DPP10: variants seen among roughly 807,000 people sequenced by gnomAD.
DPP10 encodes the protein dipeptidyl peptidase like 10.
DPP10 carries 33 observed loss-of-function variants against 120.9 expected under a neutral mutation model. That is an observed-to-expected ratio of 0.27 (90% CI 0.21 to 0.37). The LOEUF (loss-of-function observed/expected upper bound fraction) is 0.37. Ranked by LOEUF, DPP10 falls within the 10% of genes least tolerant of loss-of-function variation. The pLI, the probability that DPP10 is intolerant of heterozygous loss-of-function variation, is 1.00. For missense variants in DPP10, 816 were observed against 942.8 expected (o/e 0.87, Z 1.76); for synonymous variants, 337 against 326.1 (o/e 1.03, Z -0.36).
intron 1 of DPP10, among the ~76,000 whole-genome samples, chr2:114,504,967 G>T (rs1683508030): frequency 6.9e-6 from 1 of 145,376 alleles, no homozygotes. Context: ...CAGGAGAATC[G>T]CTTGAACCGG....
chr2:114,726,745 A>C (rs1702074691), intron 1 of DPP10, among the ~76,000 whole-genome samples: 1 of 152,220 alleles, frequency 6.6e-6, no homozygotes, highest in Admixed American at 6.5e-5. Flanking sequence ...AATGCCCTTT[A>C]AGCAGGCCAC....
intron 1 of DPP10, among the ~76,000 whole-genome samples, chr2:115,072,877 G>T (rs1707483753): frequency 6.6e-6 from 1 of 152,044 alleles, no homozygotes; most frequent in Non-Finnish European, 1.5e-5. Context: ...CCATCTCCTG[G>T]GTTCAAGCAA....
intron 5 of DPP10, among the ~76,000 whole-genome samples, chr2:115,646,920 C>G (rs1395263127): frequency 6.6e-6 from 1 of 152,098 alleles, no homozygotes; most frequent in African/African-American, 2.4e-5. Context: ...TTCTATTAAT[C>G]TCAGCAGATG....
chr2:115,115,131 G>A (rs986734119), intron 1 of DPP10, among the ~76,000 whole-genome samples: 5 of 151,908 alleles, frequency 3.3e-5, no homozygotes, highest in African/African-American at 1.2e-4. Context: ...GACCTACGGG[G>A]AGGTTTGCAG....
At chr2:114,630,794 G>A (rs976914287) in intron 1 of DPP10, among the ~76,000 whole-genome samples, 1 of 152,276 alleles carries the variant, frequency 6.6e-6, no homozygotes, top group South Asian at 2.1e-4. Flanking sequence ...AGATTTGTAA[G>A]GATACTGTGT....
At chr2:114,504,908 C>T (rs375095118) in intron 1 of DPP10, among the ~76,000 whole-genome samples, 17 of 151,536 alleles carry the variant, frequency 1.1e-4, no homozygotes, top group African/African-American at 2.7e-4. Context: ...AAAAATTAGC[C>T]GGGCATGGTG....
intron 1 of DPP10, among the ~76,000 whole-genome samples, chr2:115,302,131 G>A (rs369016506): frequency 7.9e-5 from 12 of 151,990 alleles, no homozygotes; most frequent in African/African-American, 2.9e-4. Flanking sequence ...GTGAGTGAAG[G>A]GGGAAGTGCC....
At chr2:115,612,583 C>A (rs1427742855) in intron 5 of DPP10, among the ~76,000 whole-genome samples, 1 of 152,064 alleles carries the variant, frequency 6.6e-6, no homozygotes, top group Middle Eastern at 3.2e-3. Context: ...CGTGTTCTGC[C>A]AAAATGTAAT....
At chr2:114,591,510 G>C (rs1468622488) in intron 1 of DPP10, among the ~76,000 whole-genome samples, 1 of 150,660 alleles carries the variant, frequency 6.6e-6, no homozygotes, top group African/African-American at 2.5e-5. Flanking sequence ...TTTCCACCCA[G>C]CCATCCAGAT....
At chr2:114,795,828 A>C (rs980313920) in intron 1 of DPP10, among the ~76,000 whole-genome samples, 8 of 152,196 alleles carry the variant, frequency 5.3e-5, no homozygotes, top group African/African-American at 1.9e-4. Flanking sequence ...AATATACACG[A>C]ATCTATTATA....
At chr2:115,482,259 G>A (rs2075481284) in intron 3 of DPP10, among the ~76,000 whole-genome samples, 1 of 151,272 alleles carries the variant, frequency 6.6e-6, no homozygotes, top group South Asian at 2.1e-4. Context: ...TCTATTTAAT[G>A]TATGTATACA....
At chr2:114,884,567 T>G (rs1426943133) in intron 1 of DPP10, among the ~76,000 whole-genome samples, 3 of 152,200 alleles carry the variant, frequency 2.0e-5, no homozygotes, top group Non-Finnish European at 4.4e-5. Context: ...TTATGTTTTT[T>G]TATTTCAATA....
At chr2:115,301,341 T>C (rs1298097928) in intron 1 of DPP10, among the ~76,000 whole-genome samples, 7 of 151,846 alleles carry the variant, frequency 4.6e-5, no homozygotes, top group Non-Finnish European at 1.0e-4. Context: ...CATTTTCGTC[T>C]GAGAGCTCCA....
intron 1 of DPP10, among the ~76,000 whole-genome samples, chr2:115,046,579 G>A (rs1219289429): frequency 6.6e-6 from 1 of 152,126 alleles, no homozygotes; most frequent in African/African-American, 2.4e-5. Flanking sequence ...TCCAACCACA[G>A]AATTCACCTT....
chr2:115,512,214 C>A (rs2077270429), intron 4 of DPP10, among the ~76,000 whole-genome samples: 1 of 152,094 alleles, frequency 6.6e-6, no homozygotes, highest in Non-Finnish European at 1.5e-5. Flanking sequence ...AACCTTCCCA[C>A]CTGAGCCTCC....
At chr2:114,778,664 G>A (rs1168228576) in intron 1 of DPP10, among the ~76,000 whole-genome samples, 1 of 151,924 alleles carries the variant, frequency 6.6e-6, no homozygotes, top group Non-Finnish European at 1.5e-5. Flanking sequence ...TGCAAGGAAA[G>A]TACATGAACC....
At chr2:115,197,132 G>A (rs540139871) in intron 1 of DPP10, among the ~76,000 whole-genome samples, 2 of 152,254 alleles carry the variant, frequency 1.3e-5, no homozygotes, top group South Asian at 4.1e-4. Flanking sequence ...GGTGGCTCAC[G>A]CCTATAATCC....
At chr2:115,580,180 A>C in intron 5 of DPP10, 1 of 152,246 alleles carries the variant, frequency 6.6e-6, no homozygotes, top group Middle Eastern at 3.4e-3. Context: ...TATGTACACA[A>C]TTTTTTAACC....
At chr2:115,642,858 G>C (rs867934025) in intron 5 of DPP10, among the ~76,000 whole-genome samples, 1 of 151,898 alleles carries the variant, frequency 6.6e-6, no homozygotes, top group Non-Finnish European at 1.5e-5. Context: ...TAGATATATA[G>C]AGAGAGATTT....
Sources: gnomAD v4.1 joint callset for allele counts (sites outside exome capture counted in the v4.1 genomes callset) on GRCh38, gnomAD v4.1.1 for gene constraint, MANE v1.5 for transcripts, NCBI Gene and HGNC (gene_info 2026-07-23, HGNC 2026-07-21) for gene names.